The following CRYAB variants were observed in gnomAD, a reference collection of about 807,000 sequenced individuals.
CRYAB encodes crystallin alpha B, also known as alpha-crystallin B chain.
CRYAB carries 9 observed loss-of-function variants against 12.7 expected under a neutral mutation model. That is an observed-to-expected ratio of 0.71 (90% CI 0.43 to 1.24). The LOEUF (loss-of-function observed/expected upper bound fraction) is 1.24, where lower values mean the gene tolerates loss of function less well. Ranked by LOEUF, CRYAB falls within the 50% of genes most tolerant of loss-of-function variation. CRYAB has a pLI of 0.00. For missense variants in CRYAB, 183 were observed against 226.6 expected (o/e 0.81, Z 1.24); for synonymous variants, 93 against 86.8 (o/e 1.07, Z -0.40).
In CRYAB at chr11:111,908,582, T is replaced by A; in HGVS notation, c.*182A>T. 1.6e-6 allele frequency: 1 copy of A among 616,794 alleles called. No homozygotes were observed. The highest frequency in any genetic ancestry group is 2.9e-6 in the Non-Finnish European group (1 of 348,874). The allele number at this position is 616,794 out of a possible 1,614,324, so 38.2% of individuals were successfully genotyped here. ...AAATAGATCTGTGGTATCTGTATAT[T>A]TATTTAAAAGTGTGTGGAATATTCA... On this transcript the variant is annotated 3_prime_UTR_variant, in exon 3 of 3. Coordinates refer to ENST00000650687, the MANE Select transcript of CRYAB (RefSeq NM_001289808.2).
upstream of CRYAB, chr11:111,913,574 A>G: frequency 6.2e-7 from 1 of 1,614,126 alleles, no homozygotes; most frequent in Non-Finnish European, 8.5e-7. Flanking sequence ...AGTTCCAGGC[A>G]TTTCTGGATG....
upstream of CRYAB, chr11:111,912,602 G>T: frequency 1.7e-6 from 1 of 580,850 alleles, no homozygotes; most frequent in East Asian, 2.9e-5. Context: ...TGAAGAGTGT[G>T]CGGGGGAGGG....
Position 111,911,545 on chromosome 11 carries a change from C to G in CRYAB, c.180G>C (p.Trp60Cys). The G allele has an allele frequency of 6.2e-7, 1 of 1,611,980 alleles. No homozygotes were observed. Among genetic ancestry groups the G allele is most frequent in the African/African-American group, 1.3e-5 (1 of 75,028 alleles). Residue 60 changes from tryptophan to cysteine, a missense_variant, in exon 1 of 3, where the codon TGG becomes TGC. Around this residue, in one of 3 missense-constraint regions of CRYAB, gnomAD observed 86 missense variants for 96.1 expected, o/e 0.89. Coordinates refer to ENST00000650687, the MANE Select transcript of CRYAB (RefSeq NM_001289808.2). ...RPPSFLRAPS[W>C]FDTGLSEMRL... is the part of the protein sequence containing the mutation. ...TCACCTCTGAGAGTCCAGTGTCAAACCAGCTGGGTGCCCGCAGGAAGGAGG... is the reference window on the plus strand; with the variant it reads ...TCACCTCTGAGAGTCCAGTGTCAAAGCAGCTGGGTGCCCGCAGGAAGGAGG...
intron 1 of CRYAB, chr11:111,918,556 G>C (rs1965632519): frequency 6.0e-6 from 3 of 496,448 alleles, no homozygotes; most frequent in Non-Finnish European, 1.1e-5. Context: ...AGTTAAACCT[G>C]AGTGGTGCTG....
chr11:111,915,575 C>T (rs1965585336), upstream of CRYAB, among the ~76,000 whole-genome samples: 1 of 152,160 alleles, frequency 6.6e-6, no homozygotes, highest in South Asian at 2.1e-4. Flanking sequence ...TGTTTTGTAA[C>T]TGAGCTTTAT....
chr11:111,910,557 C>T, intron 1 of CRYAB, 108 bp from the exon 2 acceptor site: 1 of 1,369,460 alleles, frequency 7.3e-7, no homozygotes. Flanking sequence ...GGTAATTCAT[C>T]CTTCTCTTCT....
At chr11:111,922,678 C>CCATT (rs782514369) in intron 1 of CRYAB, among the ~76,000 whole-genome samples, 6 of 152,120 alleles carry the variant, frequency 3.9e-5, no homozygotes, top group Non-Finnish European at 8.8e-5. Context: ...ATTGCATATG[C>CCATT]CATTTCTTTA....
chr11:111,911,048 T>C (rs191591780), intron 1 of CRYAB, among the ~76,000 whole-genome samples: 1 of 152,314 alleles, frequency 6.6e-6, no homozygotes, highest in East Asian at 1.9e-4. Flanking sequence ...GCCAGCGCCC[T>C]GTCGTAGCCC....
chr11:111,920,000 C>T (rs1267486243), intron 1 of CRYAB, among the ~76,000 whole-genome samples: 1 of 151,674 alleles, frequency 6.6e-6, no homozygotes, highest in African/African-American at 2.4e-5. Flanking sequence ...TCGAGACCAT[C>T]CTGGCTAACA....
chr11:111,917,365 A>C (rs587735985), upstream of CRYAB, among the ~76,000 whole-genome samples: 63 of 152,308 alleles, frequency 4.1e-4, no homozygotes, highest in African/African-American at 1.4e-3. Context: ...AGAGTAGAGT[A>C]CAGAATGGAT....
At chr11:111,912,949 C>CCCCCCA (rs1555165794), upstream of CRYAB, 1 of 969,390 alleles carries the variant, frequency 1.0e-6, no homozygotes, top group Non-Finnish European at 1.4e-6. Flanking sequence ...CACCCCCTTG[C>CCCCCCA]CCCCCACCCC....
At chr11:111,913,983 C>A, upstream of CRYAB, 1 of 1,165,942 alleles carries the variant, frequency 8.6e-7, no homozygotes, top group East Asian at 2.4e-5. Context: ...TAGCAGCATC[C>A]TTGGGGGAAG....
chr11:111,921,734 C>T (rs1965702745), intron 1 of CRYAB, among the ~76,000 whole-genome samples: 1 of 152,192 alleles, frequency 6.6e-6, no homozygotes, highest in Non-Finnish European at 1.5e-5. Context: ...TCAACTTTTA[C>T]TCATGCTTAT....
At chr11:111,916,372 A>G (rs1965597827), upstream of CRYAB, among the ~76,000 whole-genome samples, 1 of 151,980 alleles carries the variant, frequency 6.6e-6, no homozygotes, top group Non-Finnish European at 1.5e-5. Context: ...CTGAGGCTAC[A>G]GGCATGCGCC....
At chr11:111,920,582 A>G (rs1160221703) in intron 1 of CRYAB, among the ~76,000 whole-genome samples, 1 of 151,714 alleles carries the variant, frequency 6.6e-6, no homozygotes, top group Non-Finnish European at 1.5e-5. Context: ...TGGGCAACAT[A>G]GGGTGGCCCC....
chr11:111,915,885 G>A (rs899676620), upstream of CRYAB, among the ~76,000 whole-genome samples: 2 of 152,108 alleles, frequency 1.3e-5, no homozygotes, highest in East Asian at 1.9e-4. Flanking sequence ...TGGGACTACA[G>A]GTGTGTGCCA....
intron 1 of CRYAB, among the ~76,000 whole-genome samples, chr11:111,920,915 T>C (rs935577771): frequency 1.3e-5 from 2 of 152,244 alleles, no homozygotes; most frequent in Non-Finnish European, 2.9e-5. Context: ...AAAATGTAGA[T>C]AATACATCCT....
intron 1 of CRYAB, chr11:111,918,770 G>A (rs1965636809): frequency 1.3e-5 from 9 of 689,074 alleles, no homozygotes; most frequent in Middle Eastern, 2.3e-4. Flanking sequence ...CCTGGAGCCC[G>A]TGTGTTGTTC....
At chr11:111,910,267 C>G in intron 2 of CRYAB, 60 bp downstream of exon 2, 3 of 1,608,088 alleles carry the variant, frequency 1.9e-6, no homozygotes, top group Middle Eastern at 1.7e-4. Flanking sequence ...ATAGCACTAC[C>G]TGGACTATTA....
Sources: allele counts gnomAD v4.1 joint callset (sites outside exome capture counted in the v4.1 genomes callset), GRCh38; gene constraint gnomAD v4.1.1; regional missense constraint gnomAD v4.1.1; transcripts MANE v1.5; gene names NCBI Gene and HGNC (gene_info 2026-07-23, HGNC 2026-07-21).